The following USH2A variants were observed in gnomAD, a reference collection of about 807,000 sequenced individuals.
USH2A encodes usherin, also known as Usher syndrome 2A (autosomal recessive, mild).
In USH2A, 443 loss-of-function variants were observed where a neutral mutation model predicts 538.9. That is an observed-to-expected ratio of 0.82 (90% CI 0.76 to 0.89). The LOEUF (loss-of-function observed/expected upper bound fraction) is 0.89, where lower values mean the gene tolerates loss of function less well. Among genes scored for constraint, USH2A ranks in the 40% least tolerant of loss-of-function variants. USH2A has a pLI of 0.00. For synonymous variants in USH2A, 2,413 were observed against 2,273.5 expected, an observed-to-expected ratio of 1.06 and a Z score of -1.75; for missense variants, 6,633 against 6,324.8, an observed-to-expected ratio of 1.05 and a Z score of -1.65.
chr1:215,960,177 T>C (rs1667164830), intron 37 of USH2A, among the ~76,000 whole-genome samples: 1 of 152,122 alleles, frequency 6.6e-6, no homozygotes, highest in South Asian at 2.1e-4. Context: ...TAGCTGAGAA[T>C]ACTTTTGAAG....
chr1:216,229,871 G>C (rs180973506), intron 14 of USH2A, among the ~76,000 whole-genome samples: 1 of 152,188 alleles, frequency 6.6e-6, no homozygotes, highest in African/African-American at 2.4e-5. Context: ...GAGAGGAACA[G>C]AATGGGGTAA....
intron 32 of USH2A, among the ~76,000 whole-genome samples, chr1:216,017,364 G>A (rs999753899): frequency 6.6e-6 from 1 of 152,118 alleles, no homozygotes; most frequent in African/African-American, 2.4e-5. Context: ...CAATGCTTTC[G>A]ATTCATAAAC....
intron 4 of USH2A, among the ~76,000 whole-genome samples, chr1:216,355,105 C>T (rs1354076678): frequency 3.3e-5 from 5 of 151,650 alleles, no homozygotes; most frequent in Non-Finnish European, 5.9e-5. Context: ...GTCAGGAGTT[C>T]GAGACCAGCC....
At chr1:216,026,629 A>G (rs531883038) in intron 32 of USH2A, among the ~76,000 whole-genome samples, 1 of 152,278 alleles carries the variant, frequency 6.6e-6, no homozygotes, top group Admixed American at 6.5e-5. Context: ...TTCATTCTGA[A>G]AACTATTTAT....
Position 215,877,739 on chromosome 1 carries a change from A to G in USH2A, c.8681+19T>C, listed in dbSNP as rs1664808591. On this transcript the variant is annotated intron_variant, in intron 43 of 71. Coordinates refer to ENST00000307340, the MANE Select transcript of USH2A (RefSeq NM_206933.4). ...GAACTAAATGCCAGCATTTGTTTTT[A>G]TAGTTTTTGTAATCTCACCTGCTAA... 1.2e-6 allele frequency: 2 copies of G among 1,613,240 alleles called. No homozygotes were observed. Among genetic ancestry groups the G allele is most frequent in the East Asian group, 2.2e-5 (1 of 44,858 alleles).
chr1:216,402,303 A>G (rs1462675855), intron 3 of USH2A, among the ~76,000 whole-genome samples: 1 of 152,150 alleles, frequency 6.6e-6, no homozygotes, highest in Non-Finnish European at 1.5e-5. Flanking sequence ...ATACATCTCT[A>G]TATAACCCAT....
chr1:216,050,595 T>TC (rs1553294801), intron 30 of USH2A, among the ~76,000 whole-genome samples: 1 of 89,340 alleles, frequency 1.1e-5, no homozygotes, highest in Admixed American at 1.3e-4. Flanking sequence ...TTTCTTTCTT[T>TC]CTTTCTTTCT....
chr1:215,715,446 T>C (rs556066084), intron 61 of USH2A, among the ~76,000 whole-genome samples: 3 of 152,324 alleles, frequency 2.0e-5, no homozygotes, highest in Non-Finnish European at 2.9e-5. Context: ...GACAGGGTTG[T>C]GGTACCAGAT....
Position 215,727,187 on chromosome 1 carries a change from A to T in USH2A, c.12066+843T>A, listed in dbSNP as rs376704398. Among the ~76,000 whole-genome samples the T allele has an allele frequency of 9.3e-4, 142 of 152,278 alleles. 1 individual carries two copies. The highest frequency in any genetic ancestry group is 7.7e-3 in the South Asian group (37 of 4,828). ...TGTGTGTGTATATTTAAATATATAC[A>T]TAAATACATATATACACACACATAC... On this transcript the variant is annotated intron_variant, in intron 61 of 71. Coordinates refer to ENST00000307340, the MANE Select transcript of USH2A (RefSeq NM_206933.4).
intron 47 of USH2A, among the ~76,000 whole-genome samples, chr1:215,820,451 T>A (rs1316544950): frequency 6.6e-6 from 1 of 151,726 alleles, no homozygotes; most frequent in East Asian, 1.9e-4. Context: ...AAAAAATATA[T>A]TTTAATCAAT....
intron 61 of USH2A, among the ~76,000 whole-genome samples, chr1:215,684,406 G>T (rs1012402475): frequency 6.6e-6 from 1 of 152,162 alleles, no homozygotes; most frequent in African/African-American, 2.4e-5. Flanking sequence ...TTGATCTGTA[G>T]CTGTCAATAA....
At chr1:216,349,435 A>T (rs959900255) in intron 4 of USH2A, among the ~76,000 whole-genome samples, 1 of 152,150 alleles carries the variant, frequency 6.6e-6, no homozygotes. Context: ...AGGGTAAGTC[A>T]TCCTAAGTCA....
chr1:216,350,023 G>C (rs969217072), intron 4 of USH2A, among the ~76,000 whole-genome samples: 1 of 152,098 alleles, frequency 6.6e-6, no homozygotes, highest in African/African-American at 2.4e-5. Flanking sequence ...CTTCTGGAGA[G>C]GCCTCAGGAA....
chr1:216,126,825 G>T (rs1207912142), intron 21 of USH2A, among the ~76,000 whole-genome samples: 1 of 152,012 alleles, frequency 6.6e-6, no homozygotes, highest in East Asian at 1.9e-4. Flanking sequence ...CAATCAATGG[G>T]GATACTTAAT....
chr1:216,167,290 T>A (rs529559093), intron 21 of USH2A, among the ~76,000 whole-genome samples: 1 of 151,956 alleles, frequency 6.6e-6, no homozygotes, highest in African/African-American at 2.4e-5. Context: ...TGTTACACTA[T>A]CTCTCTAAAA....
chr1:215,861,458 T>G lies in USH2A; in HGVS notation c.8845+5549A>C, dbSNP rs575418209. Among the ~76,000 whole-genome samples the G allele has an allele frequency of 7.2e-5, 11 of 152,288 alleles. No individual in the cohort carries two copies. In the East Asian group the frequency reaches 1.9e-3, roughly 27 times the overall value. Reference sequence around the variant, plus strand: ...GTTAATTTGTATCTCATGTAATAGCTTCAAAGTGATCAAAACAGACTGTGC... The same window carrying G: ...GTTAATTTGTATCTCATGTAATAGCGTCAAAGTGATCAAAACAGACTGTGC... On this transcript the variant is annotated intron_variant, in intron 44 of 71. Transcript: ENST00000307340.
intron 21 of USH2A, among the ~76,000 whole-genome samples, chr1:216,107,463 G>T (rs1461602893): frequency 6.6e-6 from 1 of 151,648 alleles, no homozygotes; most frequent in Non-Finnish European, 1.5e-5. Context: ...ATGTTTCATG[G>T]TTTATTTTTT....
At chr1:216,053,270 T>C (rs908076666) in intron 30 of USH2A, among the ~76,000 whole-genome samples, 1 of 152,020 alleles carries the variant, frequency 6.6e-6, no homozygotes, top group East Asian at 1.9e-4. Context: ...TACTGGGAAA[T>C]AGAGAATTGA....
intron 44 of USH2A, among the ~76,000 whole-genome samples, chr1:215,847,571 G>A (rs1663894843): frequency 1.3e-5 from 2 of 151,890 alleles, no homozygotes; most frequent in African/African-American, 4.8e-5. Flanking sequence ...CTTGAGCTCA[G>A]GAGGCAGAGG....
Sources: allele counts gnomAD v4.1 joint callset (sites outside exome capture counted in the v4.1 genomes callset), GRCh38; gene constraint gnomAD v4.1.1; transcripts MANE v1.5; gene names NCBI Gene and HGNC (gene_info 2026-07-23, HGNC 2026-07-21).